ZNF638: variants seen among roughly 807,000 people sequenced by gnomAD.
ZNF638 encodes zinc finger protein 638.
A neutral mutation model predicts 195.6 loss-of-function variants in ZNF638; 46 were observed. That is an observed-to-expected ratio of 0.24 (90% CI 0.19 to 0.30). The LOEUF is 0.30. Ranked by LOEUF, ZNF638 falls within the 10% of genes least tolerant of loss-of-function variation. The pLI, the probability that ZNF638 is intolerant of heterozygous loss-of-function variation, is 1.00. For missense variants in ZNF638, 2,440 were observed against 2,325.3 expected, an observed-to-expected ratio of 1.05 and a Z score of -1.01; for synonymous variants, 845 against 772.0, an observed-to-expected ratio of 1.09 and a Z score of -1.57.
At chr2:71,335,223 T>C (rs1339458167) in intron 1 of ZNF638, among the ~76,000 whole-genome samples, 1 of 152,096 alleles carries the variant, frequency 6.6e-6, no homozygotes, top group Admixed American at 6.5e-5. Context: ...AAAAAATTCA[T>C]AGAGACAAGG....
At chr2:71,392,496 A>G (rs2079802587) in intron 10 of ZNF638, among the ~76,000 whole-genome samples, 1 of 152,154 alleles carries the variant, frequency 6.6e-6, no homozygotes, top group African/African-American at 2.4e-5. Flanking sequence ...GACCGCCCTC[A>G]TTAAGTCCAC....
intron 21 of ZNF638, among the ~76,000 whole-genome samples, chr2:71,420,307 A>ACTC (rs138630949): frequency 0.025 from 3,824 of 151,786 alleles, 157 homozygotes; most frequent in African/African-American, 0.087. Flanking sequence ...TTTAGAGGAA[A>ACTC]CTCGTGGATA....
chr2:71,348,420 T>C lies in ZNF638; in HGVS notation c.-202-333T>C, dbSNP rs187248302. ...TATTTTAATGCCTTCATCTTTTTTT[T>C]CCCCAGTATTACAGCGTGAAATAAA... On this transcript the variant is annotated intron_variant, in intron 1 of 27. Transcript: ENST00000264447. 60 of 999,820 alleles carry C rather than the reference T, an allele frequency of 6.0e-5. No individual in the cohort carries two copies. In the Middle Eastern group the frequency reaches 2.1e-3, roughly 34 times the overall value. 61.9% of individuals were successfully genotyped at this position (999,820 alleles called of 1,614,324 possible).
intron 1 of ZNF638, among the ~76,000 whole-genome samples, chr2:71,334,193 T>C (rs1407006176): frequency 1.3e-5 from 2 of 152,230 alleles, no homozygotes; most frequent in African/African-American, 4.8e-5. Flanking sequence ...ACTCAGCTGG[T>C]AGTCACCAGA....
chr2:71,377,171 G>A (rs1289128249), intron 8 of ZNF638, among the ~76,000 whole-genome samples: 2 of 152,076 alleles, frequency 1.3e-5, no homozygotes, highest in African/African-American at 4.8e-5. Flanking sequence ...AGGGTGCGGT[G>A]GGAGGATCGC....
At chr2:71,428,745 C>A in intron 25 of ZNF638, 94 bp downstream of exon 25, 1 of 1,099,402 alleles carries the variant, frequency 9.1e-7, no homozygotes, top group Non-Finnish European at 1.3e-6. Context: ...AGTAGAAAAT[C>A]AGTGGAATAG....
In ZNF638 at chr2:71,422,895, T is replaced by G; in HGVS notation, c.3381T>G (p.Leu1127=). 1 of 1,614,040 alleles carries G rather than the reference T, an allele frequency of 6.2e-7. No homozygotes were observed. The highest frequency in any genetic ancestry group is 2.2e-5 in the East Asian group (1 of 44,868). The change falls in exon 22 of 28, where the codon CTT becomes CTG. Residue 1127 remains leucine, a synonymous_variant. Coordinates refer to ENST00000264447, the MANE Select transcript of ZNF638 (RefSeq NM_014497.5). ...TDSPSVKPNE[L]EEESTPSIQT... ...GTCCCTCTGTTAAACCTAATGAGCT[T>G]GAAGAAGAAAGTACTCCCAGCATTC...
intron 27 of ZNF638, 63 bp downstream of exon 27, chr2:71,433,346 A>G: frequency 8.4e-7 from 1 of 1,192,712 alleles, no homozygotes; most frequent in Non-Finnish European, 1.2e-6. Flanking sequence ...CAAATTATTT[A>G]TCTCCCCAAA....
Position 71,365,655 on chromosome 2 carries a change from T to G in ZNF638, c.1944T>G (p.Thr648=). The part of the protein sequence containing the change: ...RCKSKNLEDD[T]LSECKQVSDK... ...AATCAAAGAATCTTGAAGATGACAC[T>G]TTGTCAGAATGTAAACAGGTGTCTG... Residue 648 remains threonine (T), a synonymous_variant, in exon 6 of 28, where the codon ACT becomes ACG. Transcript: ENST00000264447. 6.2e-7 allele frequency: 1 copy of G among 1,614,106 alleles called. No individual in the cohort carries two copies. The highest frequency in any genetic ancestry group is 8.5e-7 in the Non-Finnish European group (1 of 1,179,966).
chr2:71,429,302 C>T (rs1205082187), intron 25 of ZNF638, among the ~76,000 whole-genome samples: 2 of 152,168 alleles, frequency 1.3e-5, no homozygotes, highest in African/African-American at 2.4e-5. Flanking sequence ...TTAAGGAAAA[C>T]TTACCAAGTA....
At chr2:71,339,104 TAA>T (rs1190681432) in intron 1 of ZNF638, among the ~76,000 whole-genome samples, 2 of 152,032 alleles carry the variant, frequency 1.3e-5, no homozygotes, top group Non-Finnish European at 2.9e-5. Flanking sequence ...TCTGCACTTG[TAA>T]AGACTTCAAG....
At chr2:71,403,808 G>C in intron 16 of ZNF638, 62 bp from the exon 17 acceptor site, 1 of 1,237,070 alleles carries the variant, frequency 8.1e-7, no homozygotes, top group Admixed American at 2.4e-5. Context: ...ATACTTGCAA[G>C]TCTGTTTTTG....
chr2:71,397,849 G>C (rs2079926673), intron 11 of ZNF638, among the ~76,000 whole-genome samples: 1 of 152,104 alleles, frequency 6.6e-6, no homozygotes, highest in African/African-American at 2.4e-5. Flanking sequence ...AGATAATGTA[G>C]GTACAAATAA....
In ZNF638 at chr2:71,433,166, A is replaced by G; in HGVS notation, c.5754A>G (p.Glu1918=). 6.3e-7 allele frequency: 1 copy of G among 1,595,696 alleles called. No homozygotes were observed. Among genetic ancestry groups the G allele is most frequent in the Non-Finnish European group, 8.6e-7 (1 of 1,163,624 alleles). The change falls in exon 27 of 28, where the codon GAA becomes GAG. Residue 1918 remains glutamate, a splice_region_variant and synonymous_variant. Coordinates refer to ENST00000264447, the MANE Select transcript of ZNF638 (RefSeq NM_014497.5). ...GKSVASDVPE[E]LDFLVPKAGF... Reference sequence around the variant, plus strand: ...TTCTTGTCTCTTCTTATCCTCTAGAATTAGACTTTCTTGTACCTAAGGCTG... The same window carrying G: ...TTCTTGTCTCTTCTTATCCTCTAGAGTTAGACTTTCTTGTACCTAAGGCTG...
chr2:71,348,534 A>G, intron 1 of ZNF638: 1 of 1,179,208 alleles, frequency 8.5e-7, no homozygotes, highest in Non-Finnish European at 1.1e-6. Context: ...ATGTACATGA[A>G]CTCTGGCTTG....
At chr2:71,337,851 C>G (rs2078697977) in intron 1 of ZNF638, among the ~76,000 whole-genome samples, 1 of 144,864 alleles carries the variant, frequency 6.9e-6, no homozygotes, top group Non-Finnish European at 1.6e-5. Flanking sequence ...TTTAATCTTC[C>G]TTAGTCTGGA....
chr2:71,431,188 T>C (rs2080650211), intron 25 of ZNF638, 139 bp from the exon 26 acceptor site: 1 of 633,818 alleles, frequency 1.6e-6, no homozygotes, highest in Admixed American at 3.0e-5. Context: ...TCTTGGAGAA[T>C]ATTGTGCAAA....
At chr2:71,332,237 C>G (rs1354657451) in intron 1 of ZNF638, among the ~76,000 whole-genome samples, 2 of 152,346 alleles carry the variant, frequency 1.3e-5, no homozygotes, top group South Asian at 2.1e-4. Context: ...CAGCAGCGCC[C>G]GGCCTGCCGA....
intron 24 of ZNF638, 102 bp from the exon 25 acceptor site, chr2:71,428,445 T>C: frequency 1.0e-6 from 1 of 988,636 alleles, no homozygotes; most frequent in Non-Finnish European, 1.5e-6. Context: ...TGGGTATTTT[T>C]TGCAAAAATG....
Sources: gnomAD v4.1 joint callset for allele counts (sites outside exome capture counted in the v4.1 genomes callset) on GRCh38, gnomAD v4.1.1 for gene constraint, MANE v1.5 for transcripts, NCBI Gene and HGNC (gene_info 2026-07-23, HGNC 2026-07-21) for gene names.